Variants in SNORC observed in about 807,000 individuals in gnomAD.
SNORC encodes protein SNORC.
In SNORC, 11 loss-of-function variants were observed where a neutral mutation model predicts 9.7. The ratio of observed to expected loss-of-function variants is 1.14; its 90% confidence interval spans 0.72 to 1.88. The LOEUF (loss-of-function observed/expected upper bound fraction) is 1.88, where lower values mean the gene tolerates loss of function less well. Ranked by LOEUF, SNORC falls within the 40% of genes most tolerant of loss-of-function variation. SNORC has a pLI of 0.00. For synonymous variants in SNORC, 108 were observed against 88.7 expected, an observed-to-expected ratio of 1.22 and a Z score of -1.22; for missense variants, 197 against 173.1, an observed-to-expected ratio of 1.14 and a Z score of -0.77.
chr2:232,873,926 TGGG>T (rs1287538543), intron 1 of SNORC, among the ~76,000 whole-genome samples: 2 of 152,198 alleles, frequency 1.3e-5, no homozygotes, highest in African/African-American at 4.8e-5. Context: ...CTCCCCCAGT[TGGG>T]GGCCAATGGG....
At chr2:232,868,919 A>G (rs1400755255), upstream of SNORC, 1 of 152,216 alleles carries the variant, frequency 6.6e-6, no homozygotes, top group Admixed American at 6.5e-5. Context: ...CCATGTTTCT[A>G]TTAATATAAA....
downstream of SNORC, chr2:232,876,864 C>T (rs572856254): frequency 8.1e-6 from 8 of 985,560 alleles, no homozygotes; most frequent in South Asian, 4.7e-5. The surrounding 1 kb of genome is among the most constrained non-coding windows in gnomAD (Gnocchi z 6.8). Flanking sequence ...GCCCTCGCCG[C>T]GCTCCCCGGG....
chr2:232,867,463 G>A (rs1053691918), upstream of SNORC, among the ~76,000 whole-genome samples: 3 of 152,288 alleles, frequency 2.0e-5, no homozygotes, highest in African/African-American at 7.2e-5. Flanking sequence ...ATTCATTGCA[G>A]CTATCTGTAA....
At chr2:232,870,257 T>C, upstream of SNORC, 1 of 1,287,614 alleles carries the variant, frequency 7.8e-7, no homozygotes, top group South Asian at 1.3e-5. Flanking sequence ...TCCCAGCCCT[T>C]TGATGCCTCT....
exon 1 of SNORC, chr2:232,870,307 C>T (rs1046920221): frequency 1.1e-5 from 17 of 1,543,078 alleles, no homozygotes; most frequent in African/African-American, 5.5e-5. Flanking sequence ...GTCCTCCGTG[C>T]GTCCCGCCCG....
chr2:232,874,180 G>A (rs1574972727), intron 1 of SNORC, among the ~76,000 whole-genome samples: 1 of 152,250 alleles, frequency 6.6e-6, no homozygotes, highest in Non-Finnish European at 1.5e-5. Flanking sequence ...AACTCCAGGA[G>A]TCCATCCACC....
chr2:232,877,301 G>C, downstream of SNORC: 2 of 985,468 alleles, frequency 2.0e-6, no homozygotes, highest in Non-Finnish European at 2.4e-6. Context: ...GAGAGTCGGG[G>C]CGGAGTGAGG....
chr2:232,875,986 C>T, exon 2 of SNORC: 2 of 1,555,236 alleles, frequency 1.3e-6, no homozygotes, highest in East Asian at 2.4e-5. Flanking sequence ...ACGAGCCGGC[C>T]GAGCTGCCGT....
At chr2:232,868,378 G>A (rs1005721146), upstream of SNORC, among the ~76,000 whole-genome samples, 4 of 152,040 alleles carry the variant, frequency 2.6e-5, no homozygotes, top group Non-Finnish European at 4.4e-5. Context: ...ATTACAGGCG[G>A]GAGCCACCGC....
chr2:232,875,159 G>A (rs1031934802), intron 1 of SNORC, among the ~76,000 whole-genome samples: 48 of 152,282 alleles, frequency 3.2e-4, no homozygotes, highest in African/African-American at 1.1e-3. Context: ...GGCCAACATG[G>A]CAAACCCCGT....
chr2:232,876,493 G>A (rs1691251644), downstream of SNORC: 2 of 1,313,944 alleles, frequency 1.5e-6, no homozygotes, highest in African/African-American at 1.6e-5. This position sits in a 1 kb window ranked among gnomAD's most constrained non-coding sequence, Gnocchi z 6.8. Flanking sequence ...CAGGGCGGGG[G>A]TGCGCGCGGG....
chr2:232,875,233 G>A (rs1037146595), intron 1 of SNORC, among the ~76,000 whole-genome samples: 5 of 152,196 alleles, frequency 3.3e-5, no homozygotes, highest in African/African-American at 7.2e-5. Context: ...CAGCTACTCC[G>A]CAGGCTGAGG....
At chr2:232,875,510 G>T (rs1357728839) in intron 1 of SNORC, 1 of 440,904 alleles carries the variant, frequency 2.3e-6, no homozygotes. Flanking sequence ...GGATGGCCCA[G>T]GGTTGGAGTG....
rs1301273908 is a variant in SNORC at position 232,876,142 on chromosome 2, G to C, written c.256+20G>C. On this transcript the variant is annotated intron_variant, in intron 2 of 2. Coordinates refer to ENST00000331342, the Ensembl canonical transcript of SNORC. The surrounding 1 kb of genome is among the most constrained non-coding windows in gnomAD (Gnocchi z 6.8). The stretch of plus-strand genomic sequence containing the variant: ...GCGGCGGTACGGGCGGGGCGGGGGA[G>C]GGAGGGGAGAGGGAGAAATTAGGAG... The C allele has an allele frequency of 4.7e-6, 7 of 1,480,954 alleles. No individual in the cohort carries two copies. The highest frequency in any genetic ancestry group is 5.3e-6 in the Non-Finnish European group (6 of 1,122,240). 91.7% of individuals were successfully genotyped at this position (1,480,954 alleles called of 1,614,324 possible). A position where few individuals can be genotyped will look rare whatever the true frequency, so the allele number is the denominator to read the frequency against.
At chr2:232,868,339 C>G (rs1054756691), upstream of SNORC, among the ~76,000 whole-genome samples, 1 of 152,008 alleles carries the variant, frequency 6.6e-6, no homozygotes, top group Non-Finnish European at 1.5e-5. Flanking sequence ...TCAAGTGATC[C>G]GCCTGCCCCA....
rs1302082814 is a variant in SNORC at position 232,876,333 on chromosome 2, C to G, written c.343C>G (p.Leu115Val). 1.3e-6 allele frequency: 2 copies of G among 1,546,064 alleles called. No individual in the cohort carries two copies. The highest frequency in any genetic ancestry group is 1.7e-6 in the Non-Finnish European group (2 of 1,149,678). Residue 115 changes from leucine (L) to valine (V), a missense_variant, in exon 3 of 3, where the codon CTG (leucine) becomes GTG (valine). Transcript: ENST00000331342. This position sits in a 1 kb window ranked among gnomAD's most constrained non-coding sequence, Gnocchi z 6.8. ...GGTGCTGGCGCTCGTGGTCGTCGCG[C>G]TGAGAAAGTTTTCTGCCTCCTGAAG... is the stretch of plus-strand genomic sequence containing the variant.
chr2:232,868,829 C>G (rs1240841774), upstream of SNORC, among the ~76,000 whole-genome samples: 2 of 152,194 alleles, frequency 1.3e-5, no homozygotes, highest in African/African-American at 2.4e-5. Context: ...TAAGCACACC[C>G]CTGTCTAGAA....
chr2:232,872,589 T>C (rs551928031), intron 1 of SNORC, among the ~76,000 whole-genome samples: 25 of 152,178 alleles, frequency 1.6e-4, no homozygotes, highest in Non-Finnish European at 3.4e-4. Flanking sequence ...ATTACCGCCA[T>C]GGAACTTTCT....
At chr2:232,873,923 A>C (rs1691121570) in intron 1 of SNORC, among the ~76,000 whole-genome samples, 1 of 152,178 alleles carries the variant, frequency 6.6e-6, no homozygotes, top group African/African-American at 2.4e-5. Flanking sequence ...AGCCTCCCCC[A>C]GTTGGGGGCC....
Sources: gnomAD v4.1 joint callset for allele counts (sites outside exome capture counted in the v4.1 genomes callset) on GRCh38, gnomAD v4.1.1 for gene constraint, Gnocchi (gnomAD v3.1) non-coding constraint, MANE v1.5 for transcripts, NCBI Gene and HGNC (gene_info 2026-07-23, HGNC 2026-07-21) for gene names.